IGSF6: variants seen among roughly 807,000 people sequenced by gnomAD.
IGSF6 encodes the protein down-regulated by activation (immunoglobulin superfamily).
IGSF6 carries 23 observed loss-of-function variants against 24.7 expected under a neutral mutation model. The ratio of observed to expected loss-of-function variants is 0.93; its 90% CI spans 0.67 to 1.32. IGSF6 has a LOEUF of 1.32. Among genes scored for constraint, IGSF6 ranks in the 40% most tolerant of loss-of-function variants. IGSF6 has a pLI of 0.00. For synonymous variants in IGSF6, 110 were observed against 113.7 expected (o/e 0.97, Z 0.21); for missense variants, 295 against 293.6 (o/e 1.00, Z -0.04).
At chr16:21,648,948 G>A (rs924692844) in intron 1 of IGSF6, among the ~76,000 whole-genome samples, 7 of 152,114 alleles carry the variant, frequency 4.6e-5, no homozygotes, top group Non-Finnish European at 5.9e-5. Flanking sequence ...GAATCATGGC[G>A]TTTGTGATGC....
intron 1 of IGSF6, among the ~76,000 whole-genome samples, chr16:21,648,668 C>A (rs558033400): frequency 1.2e-4 from 18 of 152,332 alleles, no homozygotes; most frequent in African/African-American, 4.3e-4. Flanking sequence ...AATGGAAAGA[C>A]CCGCCCTAAA....
At position 21,647,455 on chromosome 16, in the gene IGSF6, C is replaced by A; in HGVS notation, c.105G>T (p.Pro35=). The A allele has an allele frequency of 1.2e-6, 2 of 1,613,916 alleles. No homozygotes were observed. The highest frequency in any genetic ancestry group is 1.1e-5 in the South Asian group (1 of 91,066). Residue 35 remains proline, a synonymous_variant, in exon 2 of 6, where the codon CCG becomes CCT. Coordinates refer to ENST00000268389, the MANE Select transcript of IGSF6 (RefSeq NM_005849.4). The part of the protein sequence containing the change: ...VGACTLSVTQ[P]WYLEVDYTHE... ...GAGTGTAGTCCACTTCTAGGTACCA[C>A]GGTTGTGTGACAGAGAGAGTACAGG...
At chr16:21,644,474 C>A in intron 2 of IGSF6, 78 bp from the exon 3 acceptor site, 1 of 1,032,954 alleles carries the variant, frequency 9.7e-7, no homozygotes. Flanking sequence ...GTATCCTTCA[C>A]ACTGCGTTTT....
At chr16:21,649,328 A>G (rs1346941585) in intron 1 of IGSF6, among the ~76,000 whole-genome samples, 1 of 152,150 alleles carries the variant, frequency 6.6e-6, no homozygotes, top group Admixed American at 6.5e-5. Flanking sequence ...TATTTGTGCA[A>G]CATGAGATGA....
At chr16:21,644,891 T>C (rs1490002828) in intron 2 of IGSF6, among the ~76,000 whole-genome samples, 1 of 152,190 alleles carries the variant, frequency 6.6e-6, no homozygotes, top group African/African-American at 2.4e-5. Context: ...GGGAAGGCCA[T>C]ACATTGAGGA....
chr16:21,647,209 G>A lies in IGSF6; in HGVS notation c.351C>T (p.Ile117=), dbSNP rs770095575. The part of the protein sequence containing the change: ...RVTSNDSAIY[I]CGIAFPSVPE... ...GCACACTGGGGAATGCTATTCCACA[G>A]ATGTAAATTGCACTGTCATTTGAAG... The change falls in exon 2 of 6, where the codon ATC becomes ATT. Residue 117 remains isoleucine (I), a synonymous_variant. Coordinates refer to ENST00000268389, the MANE Select transcript of IGSF6 (RefSeq NM_005849.4). 1.2e-6 allele frequency: 2 copies of A among 1,614,144 alleles called. No homozygotes were observed. The highest frequency in any genetic ancestry group is 1.7e-6 in the Non-Finnish European group (2 of 1,179,994).
intron 5 of IGSF6, chr16:21,642,402 A>T (rs1405041332): frequency 6.6e-6 from 1 of 152,234 alleles, no homozygotes; most frequent in African/African-American, 2.4e-5. Context: ...CATAAATTTT[A>T]AAAAATAAAT....
chr16:21,646,845 G>A, intron 2 of IGSF6: 1 of 397,396 alleles, frequency 2.5e-6, no homozygotes, highest in Non-Finnish European at 4.8e-6. Flanking sequence ...GAGTAGAGAT[G>A]GGGTTTCACC....
chr16:21,644,315 C>G lies in IGSF6; in HGVS notation c.509G>C (p.Cys170Ser). Residue 170 changes from cysteine (C) to serine (S), a missense_variant, in exon 3 of 6, where the codon TGC becomes TCC. By Grantham distance (112) the Cys-to-Ser change is moderately radical (BLOSUM62 -1). Coordinates refer to ENST00000268389, the MANE Select transcript of IGSF6 (RefSeq NM_005849.4). ...TTTGGAGAGGAGTATGAAGGCCACG[C>G]ACACACCGGTCACATAGACAGAGAG... ...SLLSVYVTGV[C>S]VAFILLSKSK... 1 of 1,613,554 alleles carries G rather than the reference C, an allele frequency of 6.2e-7. No homozygotes were observed. Among genetic ancestry groups the G allele is most frequent in the Non-Finnish European group, 8.5e-7 (1 of 1,179,492 alleles).
chr16:21,643,499 T>G (rs752291875), intron 4 of IGSF6, 49 bp downstream of exon 4: 2 of 1,231,682 alleles, frequency 1.6e-6, no homozygotes, highest in Non-Finnish European at 2.3e-6. Context: ...TTTGAAATCG[T>G]TACAACCAGC....
intron 2 of IGSF6, 127 bp from the exon 3 acceptor site, chr16:21,644,523 AT>A: frequency 1.6e-6 from 1 of 635,362 alleles, no homozygotes; most frequent in Non-Finnish European, 2.7e-6. Flanking sequence ...GCCTATTCGT[AT>A]AAAAACTAGA....
intron 2 of IGSF6, among the ~76,000 whole-genome samples, chr16:21,645,127 T>A (rs749367631): frequency 5.9e-5 from 9 of 152,226 alleles, no homozygotes; most frequent in Non-Finnish European, 1.2e-4. Context: ...TTGTACTTAC[T>A]GTCTGAATAG....
intron 5 of IGSF6, chr16:21,641,996 G>A (rs1314144477): frequency 6.5e-6 from 1 of 153,278 alleles, no homozygotes; most frequent in Non-Finnish European, 1.5e-5. Context: ...AGGATGAAAC[G>A]ACTACTTAGA....
chr16:21,642,177 T>C (rs966961524), intron 5 of IGSF6: 1 of 151,036 alleles, frequency 6.6e-6, no homozygotes, highest in Non-Finnish European at 1.5e-5. Flanking sequence ...AGAAAACAAT[T>C]AAAGTAAAAG....
intron 1 of IGSF6, among the ~76,000 whole-genome samples, chr16:21,649,627 C>G (rs1966517254): frequency 6.6e-6 from 1 of 152,234 alleles, no homozygotes; most frequent in South Asian, 2.1e-4. Flanking sequence ...AGCACTGTCT[C>G]AGTCTCAAGT....
intron 4 of IGSF6, 46 bp downstream of exon 4, chr16:21,643,502 C>G (rs772796811): frequency 8.0e-7 from 1 of 1,249,172 alleles, no homozygotes; most frequent in Non-Finnish European, 1.1e-6. Context: ...GAAATCGTTA[C>G]AACCAGCCAC....
intron 4 of IGSF6, 50 bp downstream of exon 4, chr16:21,643,498 G>A (rs748691676): frequency 7.4e-6 from 9 of 1,209,828 alleles, no homozygotes; most frequent in South Asian, 5.3e-5. Context: ...TTTTGAAATC[G>A]TTACAACCAG....
At chr16:21,643,665 C>A in intron 3 of IGSF6, 67 bp from the exon 4 acceptor site, 2 of 1,020,530 alleles carry the variant, frequency 2.0e-6, no homozygotes, top group South Asian at 2.7e-5. Flanking sequence ...GCAGATATCT[C>A]ATGCCCTAAT....
rs1273355694 is a variant in IGSF6 at position 21,640,778 on chromosome 16, AAAAAG to A, written c.*751_*755del. 1.3e-5 allele frequency: 2 copies of A among 150,938 alleles called. No homozygotes were observed. Among genetic ancestry groups the A allele is most frequent in the African/African-American group, 2.4e-5 (1 of 41,170 alleles). The allele number at this position is 150,938 out of a possible 1,614,324, so 9.3% of individuals were successfully genotyped here. A position where few individuals can be genotyped will look rare whatever the true frequency, so the allele number is the denominator to read the frequency against. On this transcript the variant is annotated 3_prime_UTR_variant, in exon 6 of 6. Coordinates refer to ENST00000268389, the MANE Select transcript of IGSF6 (RefSeq NM_005849.4). ...CGAGACTCTGTCTCAAAAAAAAAAA[AAAAAG>A]AAAAGAAAAAAAATCAGTATTACAA... is the stretch of plus-strand genomic sequence containing the variant.
Sources: allele counts gnomAD v4.1 joint callset (sites outside exome capture counted in the v4.1 genomes callset), GRCh38; gene constraint gnomAD v4.1.1; transcripts MANE v1.5; gene names NCBI Gene and HGNC (gene_info 2026-07-23, HGNC 2026-07-21).